ACOT9: variants seen among roughly 807,000 people sequenced by gnomAD.
ACOT9 encodes the protein acyl-CoA thioesterase 9, also known as acyl-coenzyme A thioesterase 9, mitochondrial.
Under a neutral mutation model 39.7 loss-of-function variants are expected in ACOT9, and 34 were observed. The observed-to-expected ratio is 0.86, with a 90% CI of 0.65 to 1.14. ACOT9 has a LOEUF of 1.14. ACOT9 is among the 50% of genes most tolerant of loss of function. The pLI is 0.00. For synonymous variants in ACOT9, 110 were observed against 120.5 expected, an observed-to-expected ratio of 0.91 and a Z score of 0.57; for missense variants, 313 against 344.1, an observed-to-expected ratio of 0.91 and a Z score of 0.71.
At chrX:23,725,745 A>G (rs1456415042) in intron 6 of ACOT9, among the ~76,000 whole-genome samples, 1 of 109,819 alleles carries the variant, frequency 9.1e-6, no homozygotes, top group Non-Finnish European at 1.9e-5. Flanking sequence ...TTGAGCCAGG[A>G]GGTCAAGGCT....
chrX:23,704,873 C>T (rs1928621049), intron 14 of ACOT9, 29 bp from the exon 15 acceptor site: 2 of 1,189,643 alleles, frequency 1.7e-6, no homozygotes, highest in East Asian at 3.0e-5. Context: ...TATAATCAGT[C>T]AACTGCATTA....
intron 9 of ACOT9, among the ~76,000 whole-genome samples, chrX:23,710,929 A>T (rs1412803400): frequency 9.0e-6 from 1 of 110,940 alleles, no homozygotes. Context: ...TGAGCACAGG[A>T]GGCCCAGGCT....
In ACOT9 at chrX:23,729,337, T is replaced by A. The variant is rs554683961; in HGVS notation, c.400+1190A>T. Among the ~76,000 whole-genome samples, 89 of 111,647 alleles carry A rather than the reference T, an allele frequency of 8.0e-4. 1 individual carries two copies. Among genetic ancestry groups the A allele is most frequent in the African/African-American group, 2.8e-3 (86 of 30,788 alleles). ...TGAGGGACAATACACAAAAGAACCA[T>A]GTCAAAGTCACGAAAGTCAAAGAAA... On this transcript the variant is annotated intron_variant, in intron 6 of 15. Transcript: ENST00000379303.
intron 9 of ACOT9, 68 bp from the exon 10 acceptor site, chrX:23,708,012 A>T: frequency 4.3e-6 from 4 of 932,511 alleles, no homozygotes; most frequent in Non-Finnish European, 6.0e-6. Context: ...GAAGATGAAC[A>T]ATCACCTACT....
intron 1 of ACOT9, among the ~76,000 whole-genome samples, chrX:23,741,443 A>G (rs1295762400): frequency 9.0e-6 from 1 of 110,555 alleles, no homozygotes; most frequent in East Asian, 2.8e-4. Flanking sequence ...CCAAGCTTAC[A>G]GCAGTTGGCA....
intron 4 of ACOT9, among the ~76,000 whole-genome samples, chrX:23,732,958 C>T (rs912725833): frequency 5.4e-5 from 6 of 111,930 alleles, no homozygotes. Flanking sequence ...TTTGAAAATG[C>T]AGAATATACG....
In ACOT9 at chrX:23,743,113, C is replaced by T; in HGVS notation, c.20+12G>A. ...ACCGCCCTGCCAGCCCCTTCCACGC[C>T]CCGCCACCTACCGCAGTGCTGCCCG... On this transcript the variant is annotated intron_variant, in intron 1 of 15. Coordinates refer to ENST00000379303, the MANE Select transcript of ACOT9 (RefSeq NM_001037171.2). 8.6e-7 allele frequency: 1 copy of T among 1,157,691 alleles called. No individual in the cohort carries two copies. The highest frequency in any genetic ancestry group is 1.2e-6 in the Non-Finnish European group (1 of 867,460).
rs763824834 is a variant in ACOT9 at position 23,704,769 on chromosome X, T to C, written c.1183A>G (p.Thr395Ala). The stretch of plus-strand genomic sequence containing the variant: ...GTGAAATGAAAGACATTGGTGGTTG[T>C]ATGCTGCTTCTCCTGCAGGGAGGCC... ...EVASLQEKQH[T>A]TTNVFHFTFM... The change falls in exon 15 of 16, where the codon ACA becomes GCA. Residue 395 changes from threonine (T) to alanine (A), a missense_variant. Physicochemically the swap from Thr to Ala is moderately conservative, Grantham distance 58 (BLOSUM62 0). Transcript: ENST00000379303. 6.5e-5 allele frequency: 79 copies of C among 1,209,507 alleles called. No homozygotes were observed. In the South Asian group the frequency reaches 1.3e-3, roughly 20 times the overall value.
At chrX:23,709,773 C>A (rs942014974) in intron 9 of ACOT9, among the ~76,000 whole-genome samples, 1 of 111,873 alleles carries the variant, frequency 8.9e-6, no homozygotes, top group African/African-American at 3.2e-5. Flanking sequence ...ATTAGTTTTT[C>A]TCAGTTTGGG....
intron 1 of ACOT9, among the ~76,000 whole-genome samples, chrX:23,742,213 T>TGAGAGAGAGAGAGA (rs1190609377): frequency 2.9e-5 from 2 of 68,906 alleles, no homozygotes; most frequent in African/African-American, 7.5e-5. Context: ...AGTGAGTGAG[T>TGAGAGAGAGAGAGA]GAGAGAGAGA....
chrX:23,735,425 C>A lies in ACOT9; in HGVS notation c.118+494G>T, dbSNP rs1021697112. ...TTTTACTTACATATATATTTATATA[C>A]ACACATAATATAAATTTATTTGGAC... On this transcript the variant is annotated intron_variant, in intron 2 of 15. Transcript: ENST00000379303. 2.7e-5 allele frequency among the ~76,000 whole-genome samples: 3 copies of A among 110,392 alleles called. No homozygotes were observed. The Admixed American group carries it at 3.0e-4, about 11-fold the overall frequency.
chrX:23,724,707 G>A (rs1354355204), intron 6 of ACOT9, among the ~76,000 whole-genome samples: 3 of 110,168 alleles, frequency 2.7e-5, no homozygotes, highest in African/African-American at 9.9e-5. Context: ...GAGATGTCGA[G>A]GATACAGTGA....
At chrX:23,714,897 G>A (rs5970779) in intron 8 of ACOT9, among the ~76,000 whole-genome samples, 1,491 of 111,519 alleles carry the variant, frequency 0.013, 29 homozygotes, top group African/African-American at 0.047. Context: ...TTACAGGCAT[G>A]AGCCACCATG....
At chrX:23,722,796 T>C (rs1929367402) in intron 6 of ACOT9, 43 bp from the exon 7 acceptor site, 1 of 912,275 alleles carries the variant, frequency 1.1e-6, no homozygotes, top group East Asian at 3.1e-5. Flanking sequence ...AAAGGCAGAA[T>C]TATTTCCCAA....
At chrX:23,717,885 C>G (rs1179902336) in intron 8 of ACOT9, among the ~76,000 whole-genome samples, 1 of 111,105 alleles carries the variant, frequency 9.0e-6, no homozygotes, top group Admixed American at 9.6e-5. Context: ...GTCAGGAGTT[C>G]GAGACCAGCC....
chrX:23,735,833 C>T, intron 2 of ACOT9, 86 bp downstream of exon 2: 1 of 823,472 alleles, frequency 1.2e-6, no homozygotes, highest in South Asian at 2.7e-5. Context: ...CTCATTTGCT[C>T]TAAACTATCA....
At chrX:23,728,181 C>T (rs968489208) in intron 6 of ACOT9, among the ~76,000 whole-genome samples, 1 of 110,928 alleles carries the variant, frequency 9.0e-6, no homozygotes, top group Non-Finnish European at 1.9e-5. Context: ...CAGACCCTTT[C>T]CCAACCATTC....
chrX:23,713,829 C>T (rs1022321482), intron 8 of ACOT9, among the ~76,000 whole-genome samples: 1 of 110,538 alleles, frequency 9.0e-6, no homozygotes, highest in African/African-American at 3.3e-5. Flanking sequence ...ACCAGGAAAG[C>T]GAGATCAGCC....
chrX:23,742,233 A>AGAGAGAGAGAGAGAGAGAGAGAGG (rs1920976919), intron 1 of ACOT9, among the ~76,000 whole-genome samples: 1 of 52,448 alleles, frequency 1.9e-5, no homozygotes, highest in African/African-American at 1.3e-4. Context: ...AGAGAGAGAG[A>AGAGAGAGAGAGAGAGAGAGAGAGG]GAGGGAGAGA....
Sources: gnomAD v4.1 joint callset for allele counts (sites outside exome capture counted in the v4.1 genomes callset) on GRCh38, gnomAD v4.1.1 for gene constraint, MANE v1.5 for transcripts, NCBI Gene and HGNC (gene_info 2026-07-23, HGNC 2026-07-21) for gene names.